Variants in ANKRD26 observed in about 807,000 individuals in gnomAD.
ANKRD26 encodes ankyrin repeat domain-containing protein 26.
In ANKRD26, 141 loss-of-function variants were observed where a neutral mutation model predicts 208.7. That is an observed-to-expected ratio of 0.68 (90% CI 0.59 to 0.78). ANKRD26 has a LOEUF of 0.78. ANKRD26 is among the 30% of genes least tolerant of loss of function. The pLI is 0.00. For missense variants in ANKRD26, 1,889 were observed against 1,938.7 expected, an observed-to-expected ratio of 0.97 and a Z score of 0.48; for synonymous variants, 636 against 660.4, an observed-to-expected ratio of 0.96 and a Z score of 0.57.
At chr10:27,076,250 T>G (rs2055692836) in intron 9 of ANKRD26, among the ~76,000 whole-genome samples, 1 of 147,650 alleles carries the variant, frequency 6.8e-6, no homozygotes, top group African/African-American at 2.6e-5. Flanking sequence ...AAAAAGTTTG[T>G]TTTTTGTTTG....
intron 15 of ANKRD26, 124 bp downstream of exon 15, chr10:27,060,221 T>C: frequency 4.0e-6 from 4 of 998,606 alleles, no homozygotes; most frequent in Non-Finnish European, 6.1e-6. Context: ...AAAAATTTTT[T>C]TAAATCCTTC....
At chr10:26,955,858 A>G in the ANKRD26 span, among the ~76,000 whole-genome samples, 1 of 152,096 alleles carries the variant, frequency 6.6e-6, no homozygotes, top group South Asian at 2.1e-4. Flanking sequence ...TGGAAACTGT[A>G]TTTTTTTCAA....
intron 4 of ANKRD26, among the ~76,000 whole-genome samples, chr10:26,996,292 T>C (rs1170507683): frequency 6.6e-6 from 1 of 151,940 alleles, no homozygotes; most frequent in African/African-American, 2.4e-5. Flanking sequence ...CCGGGCACAG[T>C]GGCTCATGCC....
intron 9 of ANKRD26, among the ~76,000 whole-genome samples, chr10:27,074,532 T>C (rs1484875163): frequency 2.0e-5 from 3 of 151,968 alleles, no homozygotes; most frequent in African/African-American, 7.3e-5. Context: ...AATACAAAAA[T>C]TAGCTGGACA....
chr10:26,973,171 T>A (rs1322334613), downstream of ANKRD26, among the ~76,000 whole-genome samples: 3 of 152,216 alleles, frequency 2.0e-5, no homozygotes, highest in East Asian at 5.8e-4. Flanking sequence ...TTTTAAAAAA[T>A]TTCCTTTAGT....
rs1367200266 is a variant in ANKRD26, at chr10:27,019,140, CATG to C, written c.4216-1351_4216-1349del. Among the ~76,000 whole-genome samples the C allele has an allele frequency of 3.9e-5, 6 of 152,034 alleles. No homozygotes were observed. The East Asian group carries it at 1.2e-3, about 29-fold the overall frequency. ...CTAAAAATACAAAAAATTAGACAGG[CATG>C]GTGGTGGGCACCTGTAGTCCCAGCT... On this transcript the variant is annotated intron_variant, in intron 29 of 33. Transcript: ENST00000376087.
At chr10:27,014,355 G>T in intron 31 of ANKRD26, 139 bp downstream of exon 31, 1 of 643,184 alleles carries the variant, frequency 1.6e-6, no homozygotes. Flanking sequence ...TTAAAGGTAA[G>T]TTAATTTACT....
chr10:26,989,988 T>C (rs1310903854), downstream of ANKRD26, among the ~76,000 whole-genome samples: 2 of 152,130 alleles, frequency 1.3e-5, no homozygotes, highest in African/African-American at 2.4e-5. Context: ...TCGGTTAGCA[T>C]ATCTAAGTTG....
At chr10:27,049,004 G>T in intron 16 of ANKRD26, 25 bp from the exon 17 acceptor site, 2 of 1,532,126 alleles carry the variant, frequency 1.3e-6, no homozygotes, top group South Asian at 1.2e-5. Flanking sequence ...TGATACTAAG[G>T]AATTGCTATT....
At chr10:27,094,927 G>T (rs745988783) in intron 1 of ANKRD26, among the ~76,000 whole-genome samples, 1 of 151,822 alleles carries the variant, frequency 6.6e-6, no homozygotes, top group Non-Finnish European at 1.5e-5. Context: ...TTGAGCCCAG[G>T]AGGTTGAGGC....
intron 32 of ANKRD26, among the ~76,000 whole-genome samples, chr10:27,010,215 T>C (rs2053048633): frequency 6.6e-6 from 1 of 152,212 alleles, no homozygotes; most frequent in Admixed American, 6.5e-5. Flanking sequence ...ATCTCTTTTG[T>C]TAAATCTAAC....
intron 20 of ANKRD26, among the ~76,000 whole-genome samples, chr10:27,040,925 G>C (rs899765195): frequency 7.9e-5 from 12 of 152,008 alleles, no homozygotes; most frequent in Non-Finnish European, 1.0e-4. Context: ...AGCTACTTGG[G>C]GGGGCCGAGG....
At chr10:26,963,574 G>C in the ANKRD26 span, among the ~76,000 whole-genome samples, 6 of 152,164 alleles carry the variant, frequency 3.9e-5, no homozygotes, top group Non-Finnish European at 8.8e-5. Flanking sequence ...TCTTGATTAA[G>C]TTAGTGCACT....
downstream of ANKRD26, among the ~76,000 whole-genome samples, chr10:26,971,020 G>C (rs2052134306): frequency 6.6e-6 from 1 of 152,160 alleles, no homozygotes; most frequent in South Asian, 2.1e-4. Flanking sequence ...AACAGACTTG[G>C]GTGGAAAATG....
chr10:27,064,632 C>T (rs976288766), intron 11 of ANKRD26, among the ~76,000 whole-genome samples: 2 of 152,044 alleles, frequency 1.3e-5, no homozygotes, highest in African/African-American at 4.8e-5. Flanking sequence ...ATAAATAGAA[C>T]ACTGCAGAAG....
At chr10:27,000,401 T>A (rs921639184), downstream of ANKRD26, among the ~76,000 whole-genome samples, 1 of 152,186 alleles carries the variant, frequency 6.6e-6, no homozygotes, top group African/African-American at 2.4e-5. Flanking sequence ...TCCCCTTTTA[T>A]TCAACATCAT....
chr10:27,065,793 G>A (rs1449208030), intron 11 of ANKRD26, among the ~76,000 whole-genome samples: 4 of 145,114 alleles, frequency 2.8e-5, no homozygotes, highest in South Asian at 2.2e-4. Flanking sequence ...TCATTAGGCC[G>A]TTTACTCATC....
At chr10:26,987,396 G>C (rs1448538295), downstream of ANKRD26, among the ~76,000 whole-genome samples, 1 of 152,156 alleles carries the variant, frequency 6.6e-6, no homozygotes, top group Non-Finnish European at 1.5e-5. Flanking sequence ...AAACCTGCAC[G>C]TTATGCACAT....
chr10:27,079,547 A>T (rs2055826563), intron 6 of ANKRD26, among the ~76,000 whole-genome samples: 1 of 152,164 alleles, frequency 6.6e-6, no homozygotes, highest in Non-Finnish European at 1.5e-5. Flanking sequence ...ACCAGCACAA[A>T]CCTGATAATC....
Sources: gnomAD v4.1 joint callset for allele counts (sites outside exome capture counted in the v4.1 genomes callset) on GRCh38, gnomAD v4.1.1 for gene constraint, MANE v1.5 for transcripts, NCBI Gene and HGNC (gene_info 2026-07-23, HGNC 2026-07-21) for gene names.